Variants in INSYN2A observed in about 807,000 individuals in gnomAD.
The protein encoded by INSYN2A is family with sequence similarity 196 member A.
In INSYN2A, 17 loss-of-function variants were observed where a neutral mutation model predicts 39.4. The observed-to-expected ratio is 0.43, with a 90% CI of 0.30 to 0.65. The LOEUF is 0.65. Ranked by LOEUF, INSYN2A falls within the 30% of genes least tolerant of loss-of-function variation. The pLI is 0.14. For missense variants in INSYN2A, 595 were observed against 631.2 expected, an observed-to-expected ratio of 0.94 and a Z score of 0.61; for synonymous variants, 255 against 265.7, an observed-to-expected ratio of 0.96 and a Z score of 0.39.
At chr10:127,138,952 G>A (rs1316033179) in intron 5 of INSYN2A, among the ~76,000 whole-genome samples, 3 of 152,144 alleles carry the variant, frequency 2.0e-5, no homozygotes, top group African/African-American at 2.4e-5. Context: ...TAGGACCCCC[G>A]GTCCATGCAT....
intron 4 of INSYN2A, among the ~76,000 whole-genome samples, chr10:127,158,051 A>T (rs2053248837): frequency 6.6e-6 from 1 of 152,188 alleles, no homozygotes; most frequent in African/African-American, 2.4e-5. Context: ...GAAGCTTCCA[A>T]GCTGTAGGGT....
At chr10:127,161,326 C>G (rs1254425271) in intron 4 of INSYN2A, among the ~76,000 whole-genome samples, 1 of 152,276 alleles carries the variant, frequency 6.6e-6, no homozygotes, top group African/African-American at 2.4e-5. Context: ...CTCCCAGGAT[C>G]ACCCCTTCAT....
chr10:127,159,802 TA>T (rs1275593178), intron 4 of INSYN2A, among the ~76,000 whole-genome samples: 2 of 152,006 alleles, frequency 1.3e-5, no homozygotes, highest in Non-Finnish European at 2.9e-5. Context: ...GCAGGAATGA[TA>T]AAGGAGGAGG....
chr10:127,151,929 A>AATGTCACTTTTT (rs1357869075), intron 5 of INSYN2A, among the ~76,000 whole-genome samples: 119 of 152,208 alleles, frequency 7.8e-4, no homozygotes, highest in African/African-American at 2.8e-3. Flanking sequence ...AGTCACTTTT[A>AATGTCACTTTTT]ATGTCACTTT....
chr10:127,190,719 A>C (rs559432591), intron 2 of INSYN2A, among the ~76,000 whole-genome samples: 7 of 114,930 alleles, frequency 6.1e-5, no homozygotes, highest in African/African-American at 2.1e-4. Context: ...TTGCCATTAA[A>C]ATCCCCCACC....
intron 4 of INSYN2A, among the ~76,000 whole-genome samples, chr10:127,154,676 G>T (rs964736302): frequency 2.0e-5 from 3 of 152,102 alleles, no homozygotes; most frequent in Non-Finnish European, 4.4e-5. Context: ...TACTTTCCCT[G>T]GCTTTATTCT....
At chr10:127,162,233 C>T (rs2053651809) in intron 4 of INSYN2A, among the ~76,000 whole-genome samples, 3 of 152,120 alleles carry the variant, frequency 2.0e-5, no homozygotes, top group South Asian at 4.1e-4. Context: ...TTCAGACACC[C>T]GTGTAATCTC....
rs748875288 is a variant in INSYN2A at position 127,175,519 on chromosome 10, G to A, written c.877C>T (p.His293Tyr). ...PADDERRRAT[H>Y]LNGLQAPSET... ...GAGGGCGCCTGGAGCCCGTTGAGAT[G>A]TGTGGCTCTCCTCCGCTCGTCATCT... Residue 293 changes from histidine to tyrosine, a missense_variant, in exon 4 of 6, where the codon CAT (histidine) becomes TAT (tyrosine). By Grantham distance (83) the His-to-Tyr change is moderately conservative. Around this residue, in one of 2 missense-constraint regions of INSYN2A, gnomAD observed 478 missense variants for 467.4 expected, o/e 1.02. Transcript: ENST00000522781. This position sits in a 1 kb window ranked among gnomAD's most constrained non-coding sequence, Gnocchi z 6.3. 1.2e-6 allele frequency: 2 copies of A among 1,609,616 alleles called. No homozygotes were observed. The highest frequency in any genetic ancestry group is 2.2e-5 in the East Asian group (1 of 44,864).
Position 127,185,903 on chromosome 10 carries a change from T to G in INSYN2A, c.-269+6702A>C, listed in dbSNP as rs148649185. On this transcript the variant is annotated intron_variant, in intron 2 of 5. Transcript: ENST00000522781. The stretch of plus-strand genomic sequence containing the variant: ...CATGCAGTATATTGGGGCCCCATAC[T>G]GTTGTAGAAAATGTGACTTGCTAGG... Among the ~76,000 whole-genome samples, 49 of 152,356 alleles carry G rather than the reference T, an allele frequency of 3.2e-4. 1 individual carries two copies. Among genetic ancestry groups the G allele is most frequent in the African/African-American group, 1.0e-3 (42 of 41,588 alleles).
intron 1 of INSYN2A, among the ~76,000 whole-genome samples, chr10:127,193,888 A>C (rs1041927081): frequency 7.9e-5 from 12 of 152,222 alleles, no homozygotes; most frequent in Non-Finnish European, 4.4e-5. Flanking sequence ...GAGCTTGCAG[A>C]AATCTCATTG....
intron 4 of INSYN2A, 111 bp from the exon 5 acceptor site, chr10:127,154,034 T>C: frequency 1.3e-6 from 1 of 749,852 alleles, no homozygotes; most frequent in South Asian, 1.6e-5. Context: ...ATCATGGTCA[T>C]GGAAATTGAT....
intron 2 of INSYN2A, among the ~76,000 whole-genome samples, chr10:127,190,332 C>T (rs1051829900): frequency 3.9e-5 from 6 of 152,270 alleles, no homozygotes; most frequent in Middle Eastern, 3.4e-3. Context: ...TGCCTTCTCA[C>T]GGTGTTTCCT....
At chr10:127,163,882 T>G (rs1203392880) in intron 4 of INSYN2A, among the ~76,000 whole-genome samples, 1 of 151,688 alleles carries the variant, frequency 6.6e-6, no homozygotes, top group African/African-American at 2.4e-5. Context: ...TCAGTGGCTT[T>G]CTTTCGATGG....
rs1208222231 is a variant in INSYN2A, at chr10:127,175,830, C to G, written c.566G>C (p.Gly189Ala). Residue 189 changes from glycine to alanine, a missense_variant, in exon 4 of 6, where the codon GGG (glycine) becomes GCG (alanine). By Grantham distance (60) the Gly-to-Ala change is moderately conservative. This residue lies in a region of INSYN2A where 478 missense variants were observed against 467.4 expected (regional missense o/e 1.02). Coordinates refer to ENST00000522781, the MANE Select transcript of INSYN2A (RefSeq NM_001039762.3). This position sits in a 1 kb window ranked among gnomAD's most constrained non-coding sequence, Gnocchi z 6.3. ...TTTACAGGGCTCTGTGCAGTTGACC[C>G]CCAAAGGCTGGTCCACTGTGTTCAT... ...QHMNTVDQPL[G>A]VNCTEPCKSP... is the part of the protein sequence containing the mutation. The G allele has an allele frequency of 3.7e-6, 6 of 1,614,000 alleles. No homozygotes were observed. Among genetic ancestry groups the G allele is most frequent in the Non-Finnish European group, 5.1e-6 (6 of 1,180,038 alleles).
In INSYN2A at chr10:127,175,295, G is replaced by A; in HGVS notation, c.1101C>T (p.Asn367=). Residue 367 remains asparagine, a synonymous_variant, in exon 4 of 6, where the codon AAC becomes AAT. Coordinates refer to ENST00000522781, the MANE Select transcript of INSYN2A (RefSeq NM_001039762.3). The surrounding 1 kb of genome is among the most constrained non-coding windows in gnomAD (Gnocchi z 6.3). The stretch of plus-strand genomic sequence containing the variant: ...TGGTTTCTTGGCTTGAACTGATCAA[G>A]TTCTCCATCATCTGAAGTTGTGCTT... ...DLKAQLQMME[N]LISSSQETIK... 6.2e-7 allele frequency: 1 copy of A among 1,614,118 alleles called. No individual in the cohort carries two copies. The highest frequency in any genetic ancestry group is 1.1e-5 in the South Asian group (1 of 91,070).
At chr10:127,184,662 A>G (rs1197636180) in intron 2 of INSYN2A, among the ~76,000 whole-genome samples, 1 of 152,092 alleles carries the variant, frequency 6.6e-6, no homozygotes, top group Non-Finnish European at 1.5e-5. Flanking sequence ...GGCTACTCAG[A>G]AATGCTCCAT....
At chr10:127,183,788 G>A (rs1440929220) in intron 2 of INSYN2A, among the ~76,000 whole-genome samples, 2 of 152,110 alleles carry the variant, frequency 1.3e-5, no homozygotes, top group African/African-American at 4.8e-5. Flanking sequence ...TCTATATATT[G>A]TATACTTGAA....
chr10:127,183,227 A>G (rs2055908359), intron 2 of INSYN2A, among the ~76,000 whole-genome samples: 2 of 152,004 alleles, frequency 1.3e-5, no homozygotes, highest in South Asian at 4.2e-4. Context: ...ATTTGAGGAT[A>G]CCCTATTGGG....
chr10:127,164,892 C>T (rs2053942308), intron 4 of INSYN2A, among the ~76,000 whole-genome samples: 1 of 152,090 alleles, frequency 6.6e-6, no homozygotes, highest in African/African-American at 2.4e-5. Context: ...TCATTTGGCC[C>T]AGAAGGCACC....
Sources: gnomAD v4.1 joint callset for allele counts (sites outside exome capture counted in the v4.1 genomes callset) on GRCh38, gnomAD v4.1.1 for gene constraint, gnomAD v4.1.1 regional missense constraint, Gnocchi (gnomAD v3.1) non-coding constraint, MANE v1.5 for transcripts, NCBI Gene and HGNC (gene_info 2026-07-23, HGNC 2026-07-21) for gene names.